Variants in KIF11 observed in about 807,000 individuals in gnomAD.
KIF11 encodes the protein kinesin family member 11, also known as kinesin-like protein KIF11.
A neutral mutation model predicts 121.0 loss-of-function variants in KIF11; 9 were observed. The ratio of observed to expected loss-of-function variants is 0.07; its 90% CI spans 0.04 to 0.13. The LOEUF (loss-of-function observed/expected upper bound fraction) is 0.13, where lower values mean the gene tolerates loss of function less well. Ranked by LOEUF, KIF11 falls within the 10% of genes least tolerant of loss-of-function variation. The probability of loss-of-function intolerance (pLI) is 1.00; values close to 1 mark genes in which losing one functional copy is unlikely to be tolerated. For missense variants in KIF11, 846 were observed against 1,217.5 expected (o/e 0.69, Z 4.54); for synonymous variants, 408 against 421.0 (o/e 0.97, Z 0.38).
intron 14 of KIF11, among the ~76,000 whole-genome samples, chr10:92,636,912 A>G (rs1314589659): frequency 2.6e-5 from 4 of 151,280 alleles, no homozygotes; most frequent in African/African-American, 9.7e-5. Context: ...TCACACCTAT[A>G]ATCCCAGCTA....
At chr10:92,632,097 A>G (rs1844744636) in intron 12 of KIF11, among the ~76,000 whole-genome samples, 1 of 151,160 alleles carries the variant, frequency 6.6e-6, no homozygotes. Flanking sequence ...ACAGGAAGGG[A>G]AATAAACATT....
intron 6 of KIF11, among the ~76,000 whole-genome samples, 163 bp downstream of exon 6, chr10:92,609,672 G>A (rs1844473418): frequency 6.6e-6 from 1 of 152,028 alleles, no homozygotes; most frequent in Non-Finnish European, 1.5e-5. Context: ...TATATGGAAG[G>A]AACCAATATT....
intron 1 of KIF11, among the ~76,000 whole-genome samples, chr10:92,595,946 A>G (rs1299310192): frequency 6.6e-6 from 1 of 152,152 alleles, no homozygotes; most frequent in Non-Finnish European, 1.5e-5. Context: ...TTATATGTAT[A>G]TACCACATTT....
rs143144477 is a variant in KIF11 at position 92,602,766 on chromosome 10, T to C, written c.78-3499T>C. ...TTCATTTTCATTAATCTCTAAAATTTTCTAATTTTCCTTGTGATGTCTTTG... is the reference window on the plus strand; with the variant it reads ...TTCATTTTCATTAATCTCTAAAATTCTCTAATTTTCCTTGTGATGTCTTTG... On this transcript the variant is annotated intron_variant, in intron 1 of 21. Coordinates refer to ENST00000260731, the MANE Select transcript of KIF11 (RefSeq NM_004523.4). 5.6e-4 allele frequency among the ~76,000 whole-genome samples: 85 copies of C among 151,666 alleles called. 1 individual carries two copies. The East Asian group carries it at 0.014, about 25-fold the overall frequency.
intron 19 of KIF11, among the ~76,000 whole-genome samples, chr10:92,648,826 A>G (rs1844949392): frequency 6.6e-6 from 1 of 152,222 alleles, no homozygotes; most frequent in African/African-American, 2.4e-5. Flanking sequence ...TCATTTTGTC[A>G]TAGACTATTG....
At chr10:92,648,482 C>G (rs1306573181) in intron 19 of KIF11, 48 bp downstream of exon 19, 2 of 1,219,362 alleles carry the variant, frequency 1.6e-6, no homozygotes, top group African/African-American at 1.5e-5. Flanking sequence ...AAGTCGAATT[C>G]AACTCTATGT....
At chr10:92,596,253 T>G in intron 1 of KIF11, among the ~76,000 whole-genome samples, 1 of 152,348 alleles carries the variant, frequency 6.6e-6, no homozygotes, top group East Asian at 1.9e-4. Flanking sequence ...TCTGCCCGCC[T>G]TGGCCTCCCT....
At chr10:92,605,102 G>C (rs1479559295) in intron 1 of KIF11, among the ~76,000 whole-genome samples, 1 of 152,124 alleles carries the variant, frequency 6.6e-6, no homozygotes, top group Non-Finnish European at 1.5e-5. Context: ...ATGTGGTCTT[G>C]GTTGGAGCAG....
At chr10:92,609,295 AGAGAGAGAGTGTGTGTGTGTGTGT>A (rs1564705218) in intron 5 of KIF11, 66 bp from the exon 6 acceptor site, 5 of 989,242 alleles carry the variant, frequency 5.1e-6, no homozygotes, top group Admixed American at 7.5e-5. Flanking sequence ...AGAGAGAGAG[AGAGAGAGAGTGTGTGTGTGTGTGT>A]GTGTGTGTGT....
intron 4 of KIF11, 49 bp downstream of exon 4, chr10:92,607,286 A>T: frequency 9.0e-7 from 1 of 1,112,532 alleles, no homozygotes; most frequent in Non-Finnish European, 1.3e-6. Flanking sequence ...ACTGAAATTT[A>T]ACTGTATAAA....
At chr10:92,608,709 T>C (rs563344560) in intron 4 of KIF11, among the ~76,000 whole-genome samples, 1 of 152,304 alleles carries the variant, frequency 6.6e-6, no homozygotes, top group South Asian at 2.1e-4. Context: ...AGTGCTGGGA[T>C]TATAGGCGTG....
At chr10:92,627,743 T>C (rs1191107683) in intron 10 of KIF11, among the ~76,000 whole-genome samples, 1 of 152,176 alleles carries the variant, frequency 6.6e-6, no homozygotes, top group African/African-American at 2.4e-5. Flanking sequence ...GAAAAAGTGG[T>C]GATCTCAGTC....
chr10:92,614,021 TACACAC>T (rs71028831), intron 8 of KIF11, among the ~76,000 whole-genome samples: 13,721 of 126,960 alleles, frequency 0.11, 944 homozygotes, highest in Admixed American at 0.17. Flanking sequence ...AGTATGTGTA[TACACAC>T]ACACACACAC....
At chr10:92,629,833 G>A (rs879455728) in intron 11 of KIF11, among the ~76,000 whole-genome samples, 2 of 152,014 alleles carry the variant, frequency 1.3e-5, no homozygotes, top group Admixed American at 1.3e-4. Flanking sequence ...GCCCAGGCTG[G>A]TCTCAAACTA....
rs147164679 is a variant in KIF11, at chr10:92,653,678, A to G, written c.3053A>G (p.His1018Arg). The G allele has an allele frequency of 6.3e-5, 101 of 1,611,836 alleles. No individual in the cohort carries two copies. The highest frequency in any genetic ancestry group is 8.4e-5 in the Admixed American group (5 of 59,376). Residue 1018 changes from histidine (H) to arginine (R), a missense_variant, in exon 22 of 22, where the codon CAT (histidine) becomes CGT (arginine). Physicochemically the swap from His to Arg is conservative, Grantham distance 29. This residue lies in a region of KIF11 where 492 missense variants were observed against 603.4 expected (regional missense o/e 0.82). Coordinates refer to ENST00000260731, the MANE Select transcript of KIF11 (RefSeq NM_004523.4). ...GVPFFQHKKS[H>R]GKDKENRGIN... The stretch of plus-strand genomic sequence containing the variant: ...TTAAATCCACAGCATAAAAAATCAC[A>G]TGGAAAAGACAAAGAAAACAGAGGC...
In KIF11 at chr10:92,626,391, G is replaced by A. The variant is rs114330741; in HGVS notation, c.1218-2417G>A. ...ATTGAAACTGGACCCCTTCCTTAACGCCCATATACAGAAATCAACTCAAGA... is the reference window on the plus strand; with the variant it reads ...ATTGAAACTGGACCCCTTCCTTAACACCCATATACAGAAATCAACTCAAGA... On this transcript the variant is annotated intron_variant, in intron 10 of 21. Transcript: ENST00000260731. Among the ~76,000 whole-genome samples, 852 of 152,166 alleles carry A rather than the reference G, an allele frequency of 5.6e-3. 11 individuals carry two copies. The highest frequency in any genetic ancestry group is 0.019 in the African/African-American group (801 of 41,520).
intron 1 of KIF11, among the ~76,000 whole-genome samples, chr10:92,602,827 T>C (rs755241277): frequency 5.1e-5 from 4 of 78,142 alleles, no homozygotes; most frequent in Non-Finnish European, 9.1e-5. Flanking sequence ...CACACACACG[T>C]GTGTGTGTGT....
intron 18 of KIF11, among the ~76,000 whole-genome samples, chr10:92,646,591 G>A (rs750347905): frequency 6.6e-6 from 1 of 152,128 alleles, no homozygotes; most frequent in Non-Finnish European, 1.5e-5. Context: ...CAGAGAGTAA[G>A]GAAGCTGTTA....
intron 10 of KIF11, among the ~76,000 whole-genome samples, chr10:92,624,784 T>C (rs531213898): frequency 4.6e-5 from 7 of 151,834 alleles, no homozygotes; most frequent in Non-Finnish European, 1.0e-4. Flanking sequence ...TTTTTTTTTT[T>C]TTTGAGATGG....
Sources: gnomAD v4.1 joint callset for allele counts (sites outside exome capture counted in the v4.1 genomes callset) on GRCh38, gnomAD v4.1.1 for gene constraint, gnomAD v4.1.1 regional missense constraint, MANE v1.5 for transcripts, NCBI Gene and HGNC (gene_info 2026-07-23, HGNC 2026-07-21) for gene names.